Variants in DAAM1 observed in about 807,000 individuals in gnomAD.
The protein encoded by DAAM1 is dishevelled associated activator of morphogenesis 1, also known as disheveled-associated activator of morphogenesis 1.
DAAM1 carries 52 observed loss-of-function variants against 130.0 expected under a neutral mutation model. The observed-to-expected ratio is 0.40, with a 90% CI of 0.32 to 0.50. The LOEUF is 0.50. DAAM1 is among the 20% of genes least tolerant of loss of function. The probability of loss-of-function intolerance (pLI) is 0.61; values close to 1 mark genes in which losing one functional copy is unlikely to be tolerated. For synonymous variants in DAAM1, 452 were observed against 444.5 expected (o/e 1.02, Z -0.21); for missense variants, 1,134 against 1,303.8 (o/e 0.87, Z 2.01).
intron 1 of DAAM1, among the ~76,000 whole-genome samples, chr14:59,207,372 T>TGTG (rs1888291440): frequency 6.6e-6 from 1 of 152,232 alleles, no homozygotes; most frequent in African/African-American, 2.4e-5. Flanking sequence ...AGCTGTGAGA[T>TGTG]AGTCTAGTCC....
chr14:59,198,132 C>T (rs1392256365), intron 1 of DAAM1, among the ~76,000 whole-genome samples: 1 of 151,988 alleles, frequency 6.6e-6, no homozygotes, highest in African/African-American at 2.4e-5. Flanking sequence ...TGCGTACACT[C>T]GGGGACATTC....
At chr14:59,210,162 A>G (rs988457037) in intron 1 of DAAM1, among the ~76,000 whole-genome samples, 6 of 152,150 alleles carry the variant, frequency 3.9e-5, no homozygotes, top group African/African-American at 1.2e-4. Context: ...AAACAAAAAA[A>G]CCAACCAAAA....
chr14:59,274,685 A>C lies in DAAM1; in HGVS notation c.183+11025A>C, dbSNP rs147446393. Among the ~76,000 whole-genome samples, 8 of 152,292 alleles carry C rather than the reference A, an allele frequency of 5.3e-5. No homozygotes were observed. The East Asian group carries it at 1.5e-3, about 29-fold the overall frequency. ...GAGTGAATGTATGCATGCATGCATG[A>C]ATTAATAACTGTGGAATCCTGCAGC... On this transcript the variant is annotated intron_variant, in intron 2 of 24. Coordinates refer to ENST00000360909, the MANE Select transcript of DAAM1 (RefSeq NM_001270520.2).
intron 4 of DAAM1, among the ~76,000 whole-genome samples, chr14:59,315,580 TTGA>T (rs1884760499): frequency 6.6e-6 from 1 of 152,216 alleles, no homozygotes; most frequent in Admixed American, 6.5e-5. Flanking sequence ...TGCAATATAA[TTGA>T]GTTTAATGTT....
At chr14:59,284,449 T>C (rs1241432860) in intron 2 of DAAM1, among the ~76,000 whole-genome samples, 1 of 152,136 alleles carries the variant, frequency 6.6e-6, no homozygotes, top group East Asian at 1.9e-4. Flanking sequence ...ATCTAAATCT[T>C]ACTGTGTTTA....
intron 2 of DAAM1, 114 bp from the exon 3 acceptor site, chr14:59,291,103 C>T: frequency 1.2e-6 from 1 of 828,088 alleles, no homozygotes; most frequent in Non-Finnish European, 1.8e-6. Context: ...TTTTCAAGTT[C>T]ATTTAAATAT....
At chr14:59,230,565 G>A (rs1265039260) in intron 1 of DAAM1, among the ~76,000 whole-genome samples, 1 of 152,122 alleles carries the variant, frequency 6.6e-6, no homozygotes, top group African/African-American at 2.4e-5. Context: ...GACTTAGAAA[G>A]TAGTAGAAGG....
chr14:59,322,015 G>A (rs1434871360), intron 5 of DAAM1, among the ~76,000 whole-genome samples: 3 of 152,040 alleles, frequency 2.0e-5, no homozygotes, highest in Admixed American at 2.0e-4. Context: ...ATAAAGTATT[G>A]CTTTATTATT....
rs145302718 is a variant in DAAM1, at chr14:59,217,343, T to C, written c.-38+28575T>C. 3.1e-4 allele frequency among the ~76,000 whole-genome samples: 47 copies of C among 152,320 alleles called. No homozygotes were observed. In the East Asian group the frequency reaches 5.4e-3, roughly 18 times the overall value. ...ATGTACCCACCTTCAACTTGAGTAC[T>C]GTGTCTGCATTACAATTTTACTACT... On this transcript the variant is annotated intron_variant, in intron 1 of 24. Transcript: ENST00000360909.
At chr14:59,366,829 GC>G in intron 23 of DAAM1, among the ~76,000 whole-genome samples, 1 of 152,068 alleles carries the variant, frequency 6.6e-6, no homozygotes, top group East Asian at 1.9e-4. Context: ...AGGAAGGATT[GC>G]CCAGGAGTTT....
rs1206412518 is a variant in DAAM1 at position 59,347,721 on chromosome 14, CT to C, written c.2160+99del. 3 of 1,184,002 alleles carry C rather than the reference CT, an allele frequency of 2.5e-6. No homozygotes were observed. In the East Asian group the frequency reaches 7.6e-5, roughly 30 times the overall value. 73.3% of individuals were successfully genotyped at this position (1,184,002 alleles called of 1,614,324 possible). A position where few individuals can be genotyped will look rare whatever the true frequency, so the allele number is the denominator to read the frequency against. On this transcript the variant is annotated intron_variant, in intron 17 of 24. Transcript: ENST00000360909. Reference sequence around the variant, plus strand: ...CCGGTTGTTGCTAGTGGATCATTTCCTCATCTATGAATTGAGGAGGCTGAAC... The same window carrying C: ...CCGGTTGTTGCTAGTGGATCATTTCCCATCTATGAATTGAGGAGGCTGAAC...
chr14:59,324,535 T>C lies in DAAM1; in HGVS notation c.989+81T>C, dbSNP rs1885136952. The C allele has an allele frequency of 1.1e-5, 9 of 793,700 alleles. No homozygotes were observed. In the South Asian group the frequency reaches 2.9e-4, roughly 25 times the overall value. The allele number at this position is 793,700 out of a possible 1,614,324, so 49.2% of individuals were successfully genotyped here. ...CAATACCTCATCAAGTGCTGGCCTG[T>C]GGTTACTTGTGCCCTGTCTGTAACA... On this transcript the variant is annotated intron_variant, in intron 8 of 24. Coordinates refer to ENST00000360909, the MANE Select transcript of DAAM1 (RefSeq NM_001270520.2).
chr14:59,240,303 G>A (rs1340441095), intron 1 of DAAM1, among the ~76,000 whole-genome samples: 1 of 152,110 alleles, frequency 6.6e-6, no homozygotes, highest in South Asian at 2.1e-4. Context: ...ATACAAATTA[G>A]CTGAAATGAT....
intron 3 of DAAM1, among the ~76,000 whole-genome samples, chr14:59,293,213 T>C (rs1431793594): frequency 6.6e-6 from 1 of 152,132 alleles, no homozygotes; most frequent in African/African-American, 2.4e-5. Context: ...GGCAGGAAAA[T>C]AGGAGCAGCT....
chr14:59,325,806 C>T (rs1885183246), intron 9 of DAAM1, 76 bp downstream of exon 9: 1 of 1,569,272 alleles, frequency 6.4e-7, no homozygotes, highest in Admixed American at 1.7e-5. Flanking sequence ...GTTGTAGAGT[C>T]CACATGGACT....
Position 59,326,596 on chromosome 14 carries a change from G to C in DAAM1, c.1261G>C (p.Asp421His), listed in dbSNP as rs1885213802. ...QIVIQNDKGQ[D>H]PDSTPLENFN... ...AGTTATCCAGAATGACAAAGGACAG[G>C]ACCCTGACTCCACACCTTTGGAAAA... The change falls in exon 11 of 25, where the codon GAC becomes CAC. Residue 421 changes from aspartate (D) to histidine (H), a missense_variant. Around this residue, in one of 3 missense-constraint regions of DAAM1, gnomAD observed 391 missense variants for 521.6 expected, o/e 0.75. Transcript: ENST00000360909. 1.9e-6 allele frequency: 3 copies of C among 1,613,778 alleles called. No homozygotes were observed. The highest frequency in any genetic ancestry group is 2.5e-6 in the Non-Finnish European group (3 of 1,179,934).
At chr14:59,317,547 G>A (rs1884837805) in intron 4 of DAAM1, among the ~76,000 whole-genome samples, 1 of 152,286 alleles carries the variant, frequency 6.6e-6, no homozygotes, top group Non-Finnish European at 1.5e-5. Context: ...CTCTTTGGTT[G>A]TCTGCTTAGG....
At chr14:59,305,395 G>A (rs1884338723) in intron 3 of DAAM1, among the ~76,000 whole-genome samples, 1 of 152,166 alleles carries the variant, frequency 6.6e-6, no homozygotes, top group African/African-American at 2.4e-5. Flanking sequence ...ATATAAATTG[G>A]TTTCAGATGT....
rs35496333 is a variant in DAAM1 at position 59,213,349 on chromosome 14, CAAAAAAAAAAA to C, written c.-38+24593_-38+24603del. Among the ~76,000 whole-genome samples, 605 of 69,992 alleles carry C rather than the reference CAAAAAAAAAAA, an allele frequency of 8.6e-3. 3 individuals are homozygous for C. The highest frequency in any genetic ancestry group is 0.037 in the African/African-American group (556 of 15,176). The allele number at this position is 69,992 out of a possible 152,430, so 45.9% of individuals were successfully genotyped here. On this transcript the variant is annotated intron_variant, in intron 1 of 24. Transcript: ENST00000360909. The stretch of plus-strand genomic sequence containing the variant: ...TTGTATAAATGATTTCACAGCTTAC[CAAAAAAAAAAA>C]AAAAAAAAAAAGGAAAGAGAAAACC...
Sources: allele counts gnomAD v4.1 joint callset (sites outside exome capture counted in the v4.1 genomes callset), GRCh38; gene constraint gnomAD v4.1.1; regional missense constraint gnomAD v4.1.1; transcripts MANE v1.5; gene names NCBI Gene and HGNC (gene_info 2026-07-23, HGNC 2026-07-21).